The following NBEA variants were observed in gnomAD, a reference collection of about 807,000 sequenced individuals.
NBEA encodes neurobeachin.
NBEA carries 44 observed loss-of-function variants against 343.4 expected under a neutral mutation model. The ratio of observed to expected loss-of-function variants is 0.13; its 90% CI spans 0.10 to 0.16. The LOEUF is 0.16. NBEA is among the 10% of genes least tolerant of loss of function. The probability of loss-of-function intolerance (pLI) is 1.00; values close to 1 mark genes in which losing one functional copy is unlikely to be tolerated. For missense variants in NBEA, 2,555 were observed against 3,631.3 expected (o/e 0.70, Z 7.62); for synonymous variants, 1,175 against 1,238.7 (o/e 0.95, Z 1.08).
intron 30 of NBEA, among the ~76,000 whole-genome samples, chr13:35,187,972 T>A (rs1396561894): frequency 1.3e-5 from 2 of 152,138 alleles, no homozygotes; most frequent in East Asian, 3.9e-4. Flanking sequence ...ACCTACTCAT[T>A]CTTCAGGTCA....
intron 35 of NBEA, among the ~76,000 whole-genome samples, chr13:35,294,357 T>C (rs1424499755): frequency 1.3e-5 from 2 of 152,028 alleles, no homozygotes. Flanking sequence ...ACTTTTCTTC[T>C]GAGGCTGAGT....
chr13:35,016,756 A>G (rs2061673718), intron 1 of NBEA, among the ~76,000 whole-genome samples: 1 of 152,192 alleles, frequency 6.6e-6, no homozygotes, highest in Non-Finnish European at 1.5e-5. Flanking sequence ...TAGTCAGTGA[A>G]TGCCTCTTTG....
intron 38 of NBEA, among the ~76,000 whole-genome samples, chr13:35,420,575 A>T (rs1257203160): frequency 1.3e-5 from 2 of 152,018 alleles, no homozygotes; most frequent in African/African-American, 4.8e-5. Context: ...GGAAGAGATT[A>T]TGTATAATTG....
intron 34 of NBEA, among the ~76,000 whole-genome samples, chr13:35,246,541 TGA>T (rs1268644882): frequency 6.6e-6 from 1 of 152,152 alleles, no homozygotes; most frequent in Non-Finnish European, 1.5e-5. Context: ...CAAACTGTAG[TGA>T]CTCTTTTTTC....
At chr13:35,542,870 T>A (rs2153006708) in intron 41 of NBEA, among the ~76,000 whole-genome samples, 1 of 152,204 alleles carries the variant, frequency 6.6e-6, no homozygotes, top group African/African-American at 2.4e-5. Context: ...TAAGCTCTTT[T>A]TTCAAATGAA....
chr13:35,238,722 G>A (rs2075348358), intron 34 of NBEA, among the ~76,000 whole-genome samples: 1 of 152,114 alleles, frequency 6.6e-6, no homozygotes, highest in Non-Finnish European at 1.5e-5. Flanking sequence ...AAACATTTTA[G>A]AAAGAGATGT....
intron 52 of NBEA, among the ~76,000 whole-genome samples, chr13:35,651,171 C>T (rs370699262): frequency 3.3e-5 from 5 of 152,164 alleles, no homozygotes; most frequent in African/African-American, 4.8e-5. Flanking sequence ...TGTATAATCA[C>T]GTGTGAAAAA....
chr13:35,111,347 A>G (rs2066195153), intron 13 of NBEA, among the ~76,000 whole-genome samples: 1 of 151,960 alleles, frequency 6.6e-6, no homozygotes, highest in Admixed American at 6.6e-5. Context: ...TTTTATTCCA[A>G]ATTTATCCTT....
intron 38 of NBEA, among the ~76,000 whole-genome samples, chr13:35,382,012 T>C (rs757593041): frequency 6.6e-5 from 10 of 152,114 alleles, no homozygotes; most frequent in Non-Finnish European, 1.5e-4. Flanking sequence ...ATGACAGATA[T>C]AATAGGCATT....
intron 36 of NBEA, among the ~76,000 whole-genome samples, chr13:35,331,549 T>C (rs2038927699): frequency 6.6e-6 from 1 of 152,058 alleles, no homozygotes; most frequent in Admixed American, 6.6e-5. Flanking sequence ...TTTCTATTGA[T>C]GTATTTTTCA....
intron 41 of NBEA, among the ~76,000 whole-genome samples, chr13:35,545,749 G>T (rs1281183898): frequency 2.0e-5 from 3 of 152,156 alleles, no homozygotes; most frequent in Admixed American, 6.5e-5. Flanking sequence ...TCCTTTCATT[G>T]TAAAGGTAGT....
At chr13:35,066,692 A>G (rs1386991790) in intron 8 of NBEA, among the ~76,000 whole-genome samples, 2 of 151,908 alleles carry the variant, frequency 1.3e-5, no homozygotes, top group East Asian at 1.9e-4. Context: ...TATAAACAGT[A>G]TGTTATTGAA....
chr13:35,405,632 A>G (rs1209220840), intron 38 of NBEA, among the ~76,000 whole-genome samples: 2 of 152,168 alleles, frequency 1.3e-5, no homozygotes, highest in African/African-American at 4.8e-5. Context: ...TTGCTGTGAT[A>G]GACGTAGTTT....
At chr13:35,278,850 A>G (rs1243770978) in intron 34 of NBEA, among the ~76,000 whole-genome samples, 1 of 152,028 alleles carries the variant, frequency 6.6e-6, no homozygotes, top group African/African-American at 2.4e-5. Context: ...ATAGTGCTCA[A>G]CTTTCCCATA....
chr13:35,545,531 G>T (rs2079025009), intron 41 of NBEA, among the ~76,000 whole-genome samples: 1 of 152,162 alleles, frequency 6.6e-6, no homozygotes, highest in African/African-American at 2.4e-5. Context: ...ATTCATATTT[G>T]CAGTATTTTC....
At chr13:35,234,502 A>G (rs942608332) in intron 34 of NBEA, among the ~76,000 whole-genome samples, 4 of 152,200 alleles carry the variant, frequency 2.6e-5, no homozygotes, top group Non-Finnish European at 4.4e-5. Context: ...AAGAGACATA[A>G]AAACCAATAA....
intron 1 of NBEA, among the ~76,000 whole-genome samples, chr13:34,979,150 G>C (rs1256860982): frequency 6.6e-6 from 1 of 152,092 alleles, no homozygotes; most frequent in Non-Finnish European, 1.5e-5. Context: ...GCTGTGTATT[G>C]ATACCCCACT....
chr13:35,309,028 A>T (rs1269905147), intron 35 of NBEA, among the ~76,000 whole-genome samples: 1 of 152,156 alleles, frequency 6.6e-6, no homozygotes, highest in Admixed American at 6.6e-5. Context: ...GCATTAAATA[A>T]TTAGCATTAA....
intron 41 of NBEA, among the ~76,000 whole-genome samples, chr13:35,516,088 A>G (rs889279366): frequency 6.6e-6 from 1 of 152,222 alleles, no homozygotes; most frequent in African/African-American, 2.4e-5. Flanking sequence ...AATTATATAT[A>G]TGTTTCTGTG....
Sources: gnomAD v4.1 joint callset for allele counts (sites outside exome capture counted in the v4.1 genomes callset) on GRCh38, gnomAD v4.1.1 for gene constraint, MANE v1.5 for transcripts, NCBI Gene and HGNC (gene_info 2026-07-23, HGNC 2026-07-21) for gene names.